Variants in KIRREL3 observed in about 807,000 individuals in gnomAD.
KIRREL3 encodes the protein kin of IRRE-like protein 3.
In KIRREL3, 36 loss-of-function variants were observed where a neutral mutation model predicts 89.7. The ratio of observed to expected loss-of-function variants is 0.40; its 90% CI spans 0.31 to 0.53. The LOEUF is 0.53. Among genes scored for constraint, KIRREL3 ranks in the 20% least tolerant of loss-of-function variants. The probability of loss-of-function intolerance (pLI) is 0.49; values close to 1 mark genes in which losing one functional copy is unlikely to be tolerated. For missense variants in KIRREL3, 864 were observed against 1,056.6 expected, an observed-to-expected ratio of 0.82 and a Z score of 2.53; for synonymous variants, 445 against 441.4, an observed-to-expected ratio of 1.01 and a Z score of -0.10.
chr11:126,498,693 G>A lies in KIRREL3; in HGVS notation c.433+22622C>T, dbSNP rs1565501412. Among the ~76,000 whole-genome samples the A allele has an allele frequency of 6.6e-6, 1 of 152,186 alleles. No individual in the cohort carries two copies. Among genetic ancestry groups the A allele is most frequent in the East Asian group, 1.9e-4 (1 of 5,174 alleles). The stretch of plus-strand genomic sequence containing the variant: ...GAGACTCAGTGATGAGAGGAATGGT[G>A]TGTCCATGGGGACAGAGCTGGCCTG... On this transcript the variant is annotated intron_variant, in intron 4 of 16. Coordinates refer to ENST00000525144, the MANE Select transcript of KIRREL3 (RefSeq NM_032531.4). The surrounding 1 kb of genome is among the most constrained non-coding windows in gnomAD (Gnocchi z 4.3).
chr11:126,449,210 C>T, intron 7 of KIRREL3, 53 bp from the exon 8 acceptor site: 1 of 1,599,162 alleles, frequency 6.3e-7, no homozygotes, highest in Non-Finnish European at 8.6e-7. Flanking sequence ...GGCCAACCCT[C>T]CGGGAGCTGG....
rs368784930 is a variant in KIRREL3 at position 126,815,199 on chromosome 11, AT to A, written c.55+185255del. 2.2e-3 allele frequency among the ~76,000 whole-genome samples: 329 copies of A among 152,338 alleles called. 1 individual carries two copies. Among genetic ancestry groups the A allele is most frequent in the Middle Eastern group, 0.01 (3 of 294 alleles). The stretch of plus-strand genomic sequence containing the variant: ...AGGAGCAATTAGCTTTTACAAGTTC[AT>A]TTCCATAACAACCTTTAGCACACGA... On this transcript the variant is annotated intron_variant, in intron 1 of 16. Transcript: ENST00000525144.
Position 126,429,464 on chromosome 11 carries a change from G to A in KIRREL3, c.1697-176C>T, listed in dbSNP as rs1187799384. Among the ~76,000 whole-genome samples, 1 of 152,174 alleles carries A rather than the reference G, an allele frequency of 6.6e-6. No individual in the cohort carries two copies. On this transcript the variant is annotated intron_variant, in intron 14 of 16. Transcript: ENST00000525144. The surrounding 1 kb of genome is among the most constrained non-coding windows in gnomAD (Gnocchi z 5.2). Reference sequence around the variant, plus strand: ...AGAACCTCCATATGGAGATGCTGTGGGTGTTTGGGCCTCAGAGGAGGCTGA... The same window carrying A: ...AGAACCTCCATATGGAGATGCTGTGAGTGTTTGGGCCTCAGAGGAGGCTGA...
chr11:126,880,968 G>A (rs73030484), intron 1 of KIRREL3, among the ~76,000 whole-genome samples: 3,429 of 152,292 alleles, frequency 0.023, 49 homozygotes, highest in South Asian at 0.033. Context: ...ATGCTGTACC[G>A]TGTGTTTATC....
chr11:126,534,942 C>T (rs181560637), intron 2 of KIRREL3, among the ~76,000 whole-genome samples: 1 of 152,298 alleles, frequency 6.6e-6, no homozygotes, highest in East Asian at 1.9e-4. Flanking sequence ...CACGTGGCGT[C>T]CCTGAGTCAG....
rs147789854 is a variant in KIRREL3 at position 126,519,918 on chromosome 11, G to A, written c.433+1397C>T. The stretch of plus-strand genomic sequence containing the variant: ...TTACTCCTCGGAAGGCCCGCTTCCC[G>A]GCCATGGAATCCCAACTTATTTACC... On this transcript the variant is annotated intron_variant, in intron 4 of 16. Coordinates refer to ENST00000525144, the MANE Select transcript of KIRREL3 (RefSeq NM_032531.4). This position sits in a 1 kb window ranked among gnomAD's most constrained non-coding sequence, Gnocchi z 4.3. 2.0e-3 allele frequency among the ~76,000 whole-genome samples: 311 copies of A among 152,182 alleles called. No homozygotes were observed. The highest frequency in any genetic ancestry group is 6.8e-3 in the East Asian group (35 of 5,180).
At chr11:126,435,559 C>T (rs80355101) in intron 12 of KIRREL3, among the ~76,000 whole-genome samples, 1,687 of 35,116 alleles carry the variant, frequency 0.048, 21 homozygotes, top group African/African-American at 0.16. Flanking sequence ...TGAGAACACT[C>T]GGGGGAGGGC....
In KIRREL3 at chr11:126,904,418, G is replaced by A. The variant is rs1251130169; in HGVS notation, c.55+96037C>T. 1.3e-5 allele frequency among the ~76,000 whole-genome samples: 2 copies of A among 152,120 alleles called. No homozygotes were observed. Among genetic ancestry groups the A allele is most frequent in the Admixed American group, 1.3e-4 (2 of 15,258 alleles). Reference sequence around the variant, plus strand: ...GACTGCAATAAGACTGATCACTAGTGGGGATAGTGCAACTGATAAAAGGAA... The same window carrying A: ...GACTGCAATAAGACTGATCACTAGTAGGGATAGTGCAACTGATAAAAGGAA... On this transcript the variant is annotated intron_variant, in intron 1 of 16. Transcript: ENST00000525144. The surrounding 1 kb of genome is among the most constrained non-coding windows in gnomAD (Gnocchi z 4.4).
Position 126,752,014 on chromosome 11 carries a change from G to C in KIRREL3, c.56-189102C>G, listed in dbSNP as rs112850357. On this transcript the variant is annotated intron_variant, in intron 1 of 16. Transcript: ENST00000525144. This position sits in a 1 kb window ranked among gnomAD's most constrained non-coding sequence, Gnocchi z 4.8. ...CACCATGCCAAGCTTAGAATGTAGAGTTTAGAGTAAGAAAGAACTGGCTTC... is the reference window on the plus strand; with the variant it reads ...CACCATGCCAAGCTTAGAATGTAGACTTTAGAGTAAGAAAGAACTGGCTTC... 1.5e-3 allele frequency among the ~76,000 whole-genome samples: 223 copies of C among 152,286 alleles called. No homozygotes were observed. The highest frequency in any genetic ancestry group is 5.1e-3 in the African/African-American group (214 of 41,570).
chr11:126,793,948 C>T (rs950865200), intron 1 of KIRREL3, among the ~76,000 whole-genome samples: 80 of 152,244 alleles, frequency 5.3e-4, no homozygotes, highest in African/African-American at 1.7e-3. Context: ...AGTTATATAA[C>T]GGCCTGAAAG....
Position 126,762,627 on chromosome 11 carries a change from C to A in KIRREL3, c.56-199715G>T, listed in dbSNP as rs540166724. Among the ~76,000 whole-genome samples, 24 of 152,290 alleles carry A rather than the reference C, an allele frequency of 1.6e-4. No homozygotes were observed. In the South Asian group the frequency reaches 4.8e-3, roughly 30 times the overall value. ...GTCACAGCAGTGGGAGCTGGAGCAACCCTTGTGGACTCAGAAATGGAAATC... is the reference window on the plus strand; with the variant it reads ...GTCACAGCAGTGGGAGCTGGAGCAAACCTTGTGGACTCAGAAATGGAAATC... On this transcript the variant is annotated intron_variant, in intron 1 of 16. Transcript: ENST00000525144.
intron 1 of KIRREL3, among the ~76,000 whole-genome samples, chr11:126,599,096 C>T (rs537189073): frequency 6.6e-6 from 1 of 152,342 alleles, no homozygotes; most frequent in South Asian, 2.1e-4. Flanking sequence ...CTCACCCCTC[C>T]TTGCTGGGTG....
At chr11:126,933,505 G>GC (rs2135067043) in intron 1 of KIRREL3, among the ~76,000 whole-genome samples, 1 of 150,124 alleles carries the variant, frequency 6.7e-6, no homozygotes, top group East Asian at 1.9e-4. Flanking sequence ...TGGAAGGAAA[G>GC]CAGAAGGAAA....
At chr11:126,603,896 C>T (rs529323598) in intron 1 of KIRREL3, among the ~76,000 whole-genome samples, 2 of 152,182 alleles carry the variant, frequency 1.3e-5, no homozygotes, top group Admixed American at 6.5e-5. Context: ...AATAGCCCCC[C>T]CTCCTCCCAC....
chr11:126,478,154 G>A (rs1172563351), intron 4 of KIRREL3, among the ~76,000 whole-genome samples: 2 of 152,132 alleles, frequency 1.3e-5, no homozygotes, highest in East Asian at 3.9e-4. Context: ...TTCCGGGGCC[G>A]GGCTTGCCCT....
chr11:126,974,254 C>T (rs888851067), intron 1 of KIRREL3, among the ~76,000 whole-genome samples: 1 of 152,102 alleles, frequency 6.6e-6, no homozygotes, highest in Non-Finnish European at 1.5e-5. Context: ...CTATCTAGAC[C>T]TCTCTGACTT....
intron 1 of KIRREL3, among the ~76,000 whole-genome samples, chr11:126,882,749 G>C (rs1405660098): frequency 6.6e-6 from 1 of 152,208 alleles, no homozygotes; most frequent in African/African-American, 2.4e-5. Context: ...GCAATGACTA[G>C]AAGAAAATTT....
chr11:126,700,690 C>T (rs1249666817), intron 1 of KIRREL3, among the ~76,000 whole-genome samples: 2 of 152,146 alleles, frequency 1.3e-5, no homozygotes, highest in African/African-American at 4.8e-5. Context: ...CTGAGGAGCC[C>T]AGGCATTGTC....
intron 1 of KIRREL3, among the ~76,000 whole-genome samples, chr11:126,857,379 A>G (rs1377245409): frequency 6.6e-6 from 1 of 152,246 alleles, no homozygotes; most frequent in Non-Finnish European, 1.5e-5. Context: ...TATTTAGCCA[A>G]TGATTGCTGT....
Sources: allele counts gnomAD v4.1 joint callset (sites outside exome capture counted in the v4.1 genomes callset), GRCh38; gene constraint gnomAD v4.1.1; non-coding constraint Gnocchi (gnomAD v3.1); transcripts MANE v1.5; gene names NCBI Gene and HGNC (gene_info 2026-07-23, HGNC 2026-07-21).